The following KLRF1 variants were observed in gnomAD, a reference collection of about 807,000 sequenced individuals.
KLRF1 encodes killer cell lectin like receptor F1.
A neutral mutation model predicts 30.7 loss-of-function variants in KLRF1; 27 were observed. That is an observed-to-expected ratio of 0.88 (90% CI 0.65 to 1.21). The LOEUF (loss-of-function observed/expected upper bound fraction) is 1.21. KLRF1 is among the 50% of genes most tolerant of loss of function. The probability of loss-of-function intolerance (pLI) is 0.00; values close to 1 mark genes in which losing one functional copy is unlikely to be tolerated. For synonymous variants in KLRF1, 92 were observed against 89.3 expected (o/e 1.03, Z -0.17); for missense variants, 246 against 259.3 (o/e 0.95, Z 0.35).
intron 2 of KLRF1, 93 bp downstream of exon 2, chr12:9,832,507 A>G (rs2121205297): frequency 2.7e-6 from 2 of 728,560 alleles, no homozygotes; most frequent in Non-Finnish European, 4.6e-6. Flanking sequence ...ATTCTTCACT[A>G]CATTAACCAA....
chr12:9,808,106 C>CT, the KLRF1 span, among the ~76,000 whole-genome samples: 5 of 151,378 alleles, frequency 3.3e-5, no homozygotes, highest in South Asian at 2.1e-4. Context: ...GTGAGTACTT[C>CT]TTTTTTTTAA....
At chr12:9,815,063 C>T in the KLRF1 span, among the ~76,000 whole-genome samples, 2,489 of 152,196 alleles carry the variant, frequency 0.016, 57 homozygotes, top group African/African-American at 0.057. Context: ...TTGATAATTA[C>T]ACAACCGATG....
At chr12:9,828,379 C>G (rs1254478141) in intron 1 of KLRF1, among the ~76,000 whole-genome samples, 10 of 152,216 alleles carry the variant, frequency 6.6e-5, no homozygotes, top group Middle Eastern at 3.4e-3. Flanking sequence ...CCGCGCCCAG[C>G]CTTTAATACT....
At chr12:9,816,874 A>G in the KLRF1 span, among the ~76,000 whole-genome samples, 1 of 151,518 alleles carries the variant, frequency 6.6e-6, no homozygotes, top group East Asian at 1.9e-4. Context: ...GCTGGGCCCA[A>G]CACCATGCCC....
intron 1 of KLRF1, 116 bp from the exon 2 acceptor site, chr12:9,832,200 C>G: frequency 3.6e-6 from 2 of 558,884 alleles, no homozygotes; most frequent in South Asian, 2.8e-5. Flanking sequence ...TTTTGATTGC[C>G]TAATATCTTT....
chr12:9,812,705 G>T, the KLRF1 span, among the ~76,000 whole-genome samples: 10 of 151,720 alleles, frequency 6.6e-5, no homozygotes, highest in Non-Finnish European at 1.3e-4. Flanking sequence ...CATGTTCCTT[G>T]GGGTATATTT....
chr12:9,836,291 T>C (rs1867574985), intron 3 of KLRF1, among the ~76,000 whole-genome samples: 1 of 152,106 alleles, frequency 6.6e-6, no homozygotes, highest in African/African-American at 2.4e-5. Flanking sequence ...TCATCCCTAC[T>C]ATCTTCTGTC....
At chr12:9,828,279 C>T (rs891804719) in intron 1 of KLRF1, among the ~76,000 whole-genome samples, 4 of 151,960 alleles carry the variant, frequency 2.6e-5, no homozygotes, top group Admixed American at 1.3e-4. Context: ...TGGGGTTTTA[C>T]CATGTTGGCC....
chr12:9,804,317 C>G, the KLRF1 span, among the ~76,000 whole-genome samples: 1 of 151,684 alleles, frequency 6.6e-6, no homozygotes, highest in African/African-American at 2.4e-5. Flanking sequence ...TGTAGGAGTT[C>G]TTTATATATT....
chr12:9,832,207 C>G, intron 1 of KLRF1, 109 bp from the exon 2 acceptor site: 2 of 579,760 alleles, frequency 3.4e-6, no homozygotes, highest in South Asian at 2.7e-5. Flanking sequence ...TGCCTAATAT[C>G]TTTTGAAACC....
the KLRF1 span, among the ~76,000 whole-genome samples, chr12:9,806,870 A>ACAGGC: frequency 6.6e-6 from 1 of 151,978 alleles, no homozygotes; most frequent in Non-Finnish European, 1.5e-5. Context: ...TTTTGTAGAG[A>ACAGGC]CAGGGCCTTG....
intron 5 of KLRF1, 68 bp from the exon 6 acceptor site, chr12:9,844,350 T>C (rs2136970418): frequency 3.8e-6 from 3 of 798,462 alleles, no homozygotes; most frequent in Non-Finnish European, 6.4e-6. Context: ...AAGAGGATAT[T>C]AGCAGAAGAC....
the KLRF1 span, among the ~76,000 whole-genome samples, chr12:9,819,589 C>T: frequency 6.6e-6 from 1 of 152,090 alleles, no homozygotes; most frequent in African/African-American, 2.4e-5. Context: ...AGCAAAATCT[C>T]CTCACTGAGG....
intron 3 of KLRF1, among the ~76,000 whole-genome samples, chr12:9,835,472 C>T (rs1297671981): frequency 2.0e-5 from 3 of 151,800 alleles, no homozygotes; most frequent in African/African-American, 4.8e-5. Flanking sequence ...CTGTTATTTT[C>T]GGGGCTGGGT....
chr12:9,841,849 G>GTGT lies in KLRF1; in HGVS notation c.374_376dup (p.Cys125dup), dbSNP rs33911869. The stretch of plus-strand genomic sequence containing the variant: ...CAGAATGGCTCAAATACCAAGGGAA[G>GTGT]TGTTATTGGTTCTCTAATGAGATGA... On this transcript the variant is annotated inframe_insertion, in exon 4 of 6. Transcript: ENST00000617889. 1.7e-3 allele frequency: 2,791 copies of GTGT among 1,607,950 alleles called. 30 individuals are homozygous for GTGT. The highest frequency in any genetic ancestry group is 0.017 in the African/African-American group (1,255 of 74,832).
the KLRF1 span, among the ~76,000 whole-genome samples, chr12:9,819,920 G>A: frequency 1.3e-5 from 2 of 152,214 alleles, no homozygotes. Flanking sequence ...CTAGGATGGA[G>A]CTCCCAGAGG....
At position 9,844,736 on chromosome 12, in the gene KLRF1, A is replaced by G. The variant is rs1311392556; in HGVS notation, c.*210A>G. 2 of 356,516 alleles carry G rather than the reference A, an allele frequency of 5.6e-6. No individual in the cohort carries two copies. The highest frequency in any genetic ancestry group is 4.2e-5 in the African/African-American group (2 of 47,668). The allele number at this position is 356,516 out of a possible 1,614,324, so 22.1% of individuals were successfully genotyped here. Reference sequence around the variant, plus strand: ...CACTTCAAAATTTTTACGTGATAGTATAAACCAATGTGACTTCATGTGATC... The same window carrying G: ...CACTTCAAAATTTTTACGTGATAGTGTAAACCAATGTGACTTCATGTGATC... On this transcript the variant is annotated 3_prime_UTR_variant, in exon 6 of 6. Transcript: ENST00000617889.
chr12:9,819,757 G>C, the KLRF1 span, among the ~76,000 whole-genome samples: 1 of 152,172 alleles, frequency 6.6e-6, no homozygotes, highest in East Asian at 1.9e-4. Context: ...GACTGGAGTG[G>C]TCCCCTGGCA....
At chr12:9,800,169 G>A in the KLRF1 span, among the ~76,000 whole-genome samples, 1 of 152,068 alleles carries the variant, frequency 6.6e-6, no homozygotes, top group Non-Finnish European at 1.5e-5. Flanking sequence ...CTGTCAACAT[G>A]TTTTCCAAGT....
Sources: gnomAD v4.1 joint callset for allele counts (sites outside exome capture counted in the v4.1 genomes callset) on GRCh38, gnomAD v4.1.1 for gene constraint, MANE v1.5 for transcripts, NCBI Gene and HGNC (gene_info 2026-07-23, HGNC 2026-07-21) for gene names.